AJM1: variants seen among roughly 807,000 people sequenced by gnomAD.
AJM1 encodes the protein apical junction component 1 homolog, also known as uncharacterized protein C9orf172.
AJM1 carries 22 observed loss-of-function variants against 43.0 expected under a neutral mutation model. The ratio of observed to expected loss-of-function variants is 0.51; its 90% CI spans 0.37 to 0.73. The LOEUF is 0.73. Ranked by LOEUF, AJM1 falls within the 30% of genes least tolerant of loss-of-function variation. The pLI, the probability that AJM1 is intolerant of heterozygous loss-of-function variation, is 0.00. For missense variants in AJM1, 1,305 were observed against 1,343.3 expected (o/e 0.97, Z 0.45); for synonymous variants, 719 against 638.3 (o/e 1.13, Z -1.91).
intron 1 of AJM1, among the ~76,000 whole-genome samples, chr9:136,843,293 G>A (rs1330503159): frequency 6.6e-6 from 1 of 152,246 alleles, no homozygotes; most frequent in East Asian, 1.9e-4. Context: ...GCTGGCTCTG[G>A]GATCACAGAG....
In AJM1 at chr9:136,842,571, C is replaced by A. The variant is rs934717963; in HGVS notation, c.-162C>A. ...GGGGGTGGCACAGCCCACCGGGGCA[C>A]AGCCAGAGCAGCACCCAGGTAAGGG... is the stretch of plus-strand genomic sequence containing the variant. On this transcript the variant is annotated 5_prime_UTR_variant, in exon 1 of 3. Coordinates refer to ENST00000436881, the MANE Select transcript of AJM1 (RefSeq NM_001080482.5). Among the ~76,000 whole-genome samples the A allele has an allele frequency of 3.3e-5, 5 of 152,254 alleles. No individual in the cohort carries two copies. The highest frequency in any genetic ancestry group is 7.3e-5 in the Non-Finnish European group (5 of 68,042).
At position 136,847,128 on chromosome 9, in the gene AJM1, A is replaced by C; in HGVS notation, c.2714A>C (p.Glu905Ala). 6.3e-7 allele frequency: 1 copy of C among 1,591,658 alleles called. No homozygotes were observed. The highest frequency in any genetic ancestry group is 1.4e-5 in the African/African-American group (1 of 73,888). The change falls in exon 3 of 3, where the codon GAG (glutamate) becomes GCG (alanine). Residue 905 changes from glutamate to alanine, a missense_variant. By Grantham distance (107) the Glu-to-Ala change is moderately radical. Transcript: ENST00000436881. ...GTGGCCTTCATCCACATCCAGCGCG[A>C]GCTGCGGCTGCGCGGCGTCTTCCTG... is the stretch of plus-strand genomic sequence containing the variant. ...REVAFIHIQR[E>A]LRLRGVFLRH...
chr9:136,843,268 C>T (rs1848727556), intron 1 of AJM1, among the ~76,000 whole-genome samples: 1 of 152,246 alleles, frequency 6.6e-6, no homozygotes, highest in African/African-American at 2.4e-5. Flanking sequence ...TGGCCACTCT[C>T]TGACGCACCC....
rs1848807731 is a variant in AJM1, at chr9:136,848,170, G to A, written c.*825G>A. On this transcript the variant is annotated 3_prime_UTR_variant, in exon 3 of 3. Transcript: ENST00000436881. ...GCCGAAGGGGCAGGGGACCTGAACA[G>A]GGGAAGCAGAGCACCTGGGCCTGGC... 6.6e-6 allele frequency: 1 copy of A among 152,528 alleles called. No homozygotes were observed. Among genetic ancestry groups the A allele is most frequent in the South Asian group, 2.1e-4 (1 of 4,842 alleles). 9.4% of individuals were successfully genotyped at this position (152,528 alleles called of 1,614,324 possible). A position where few individuals can be genotyped will look rare whatever the true frequency, so the allele number is the denominator to read the frequency against.
Position 136,847,155 on chromosome 9 carries a change from G to A in AJM1, c.2741G>A (p.Arg914His). Residue 914 changes from arginine to histidine, a missense_variant, in exon 3 of 3, where the codon CGC (arginine) becomes CAC (histidine). By Grantham distance (29) the Arg-to-His change is conservative. This residue lies in a region of AJM1 where 116 missense variants were observed against 113.4 expected (regional missense o/e 1.02). Coordinates refer to ENST00000436881, the MANE Select transcript of AJM1 (RefSeq NM_001080482.5). ...CTGCGGCTGCGCGGCGTCTTCCTGC[G>A]CCACGAGTTCCCGCGCGTCTACGAG... ...RELRLRGVFL[R>H]HEFPRVYEQL... The A allele has an allele frequency of 1.3e-6, 2 of 1,599,938 alleles. No individual in the cohort carries two copies. The highest frequency in any genetic ancestry group is 1.7e-6 in the Non-Finnish European group (2 of 1,178,288).
rs1044306786 is a variant in AJM1, at chr9:136,848,259, G to A, written c.*914G>A. 3 of 152,898 alleles carry A rather than the reference G, an allele frequency of 2.0e-5. No homozygotes were observed. The highest frequency in any genetic ancestry group is 6.5e-5 in the Admixed American group (1 of 15,300). 9.5% of individuals were successfully genotyped at this position (152,898 alleles called of 1,614,324 possible). A position where few individuals can be genotyped will look rare whatever the true frequency, so the allele number is the denominator to read the frequency against. ...ACGGGGCGTTCCCAGGTGGGAGCCT[G>A]GAGGGCAAAGCGTGGTGCGAGCAGG... On this transcript the variant is annotated 3_prime_UTR_variant, in exon 3 of 3. Coordinates refer to ENST00000436881, the MANE Select transcript of AJM1 (RefSeq NM_001080482.5).
chr9:136,845,672 C>G lies in AJM1; in HGVS notation c.1258C>G (p.Pro420Ala). The G allele has an allele frequency of 6.3e-7, 1 of 1,576,342 alleles. No homozygotes were observed. Among genetic ancestry groups the G allele is most frequent in the Non-Finnish European group, 8.6e-7 (1 of 1,169,104 alleles). ...CCTGCAAGTGGTGCCGCCCTCTGAC[C>G]CCGACCCGTTGCTCGCCTCCTGGCA... ...RTLQVVPPSD[P>A]DPLLASWHGG... The change falls in exon 3 of 3, where the codon CCC becomes GCC. Residue 420 changes from proline to alanine, a missense_variant. Transcript: ENST00000436881.
In AJM1 at chr9:136,845,489, C is replaced by T; in HGVS notation, c.1075C>T (p.Arg359Cys). The part of the protein sequence containing the change: ...PRAYGLPYGP[R>C]YVPEEPRAHS... ...AGCCTACGGCCTGCCCTACGGGCCC[C>T]GCTATGTCCCCGAGGAGCCCCGGGC... is the stretch of plus-strand genomic sequence containing the variant. The change falls in exon 3 of 3, where the codon CGC becomes TGC. Residue 359 changes from arginine to cysteine, a missense_variant. Arg to Cys is a radical substitution (Grantham distance 180, BLOSUM62 -3). Around this residue, in one of 6 missense-constraint regions of AJM1, gnomAD observed 653 missense variants for 549.1 expected, o/e 1.19. Transcript: ENST00000436881. 5 of 1,605,464 alleles carry T rather than the reference C, an allele frequency of 3.1e-6. No individual in the cohort carries two copies. The South Asian group carries it at 4.4e-5, about 14-fold the overall frequency.
chr9:136,845,762 G>A lies in AJM1; in HGVS notation c.1348G>A (p.Asp450Asn). 6.3e-7 allele frequency: 1 copy of A among 1,581,298 alleles called. No individual in the cohort carries two copies. Among genetic ancestry groups the A allele is most frequent in the Non-Finnish European group, 8.5e-7 (1 of 1,171,440 alleles). The change falls in exon 3 of 3, where the codon GAC becomes AAC. Residue 450 changes from aspartate to asparagine, a missense_variant. By Grantham distance (23) the Asp-to-Asn change is conservative (BLOSUM62 1). Around this residue, in one of 6 missense-constraint regions of AJM1, gnomAD observed 653 missense variants for 549.1 expected, o/e 1.19. Transcript: ENST00000436881. Reference protein sequence around the residue: ...TDSRHYSRSWDNILAPGPRRE... With the variant: ...TDSRHYSRSWNNILAPGPRRE... The stretch of plus-strand genomic sequence containing the variant: ...CAGCCGCCACTACTCGCGCTCCTGG[G>A]ACAACATTCTGGCCCCGGGGCCGCG...
Position 136,847,174 on chromosome 9 carries a change from C to T in AJM1, c.2760C>T (p.Val920=), listed in dbSNP as rs1848789287. Reference sequence around the variant, plus strand: ...TCCTGCGCCACGAGTTCCCGCGCGTCTACGAGCAGCTTTGCGAGTTCGTCG... The same window carrying T: ...TCCTGCGCCACGAGTTCCCGCGCGTTTACGAGCAGCTTTGCGAGTTCGTCG... ...GVFLRHEFPR[V]YEQLCEFVEA... is the part of the protein sequence containing the mutation. Residue 920 remains valine (V), a synonymous_variant, in exon 3 of 3, where the codon GTC becomes GTT. Transcript: ENST00000436881. 1 of 1,603,578 alleles carries T rather than the reference C, an allele frequency of 6.2e-7. No homozygotes were observed. Among genetic ancestry groups the T allele is most frequent in the Non-Finnish European group, 8.5e-7 (1 of 1,178,752 alleles).
rs1303089718 is a variant in AJM1 at position 136,845,507 on chromosome 9, C to G, written c.1093C>G (p.Pro365Ala). Residue 365 changes from proline (P) to alanine (A), a missense_variant, in exon 3 of 3, where the codon CCC becomes GCC. Transcript: ENST00000436881. ...PYGPRYVPEE[P>A]RAHSTARPFY... ...CGGGCCCCGCTATGTCCCCGAGGAGCCCCGGGCCCACTCCACCGCCCGCCC... is the reference window on the plus strand; with the variant it reads ...CGGGCCCCGCTATGTCCCCGAGGAGGCCCGGGCCCACTCCACCGCCCGCCC... The G allele has an allele frequency of 6.2e-7, 1 of 1,600,940 alleles. No individual in the cohort carries two copies. The highest frequency in any genetic ancestry group is 8.5e-7 in the Non-Finnish European group (1 of 1,174,746).
In AJM1 at chr9:136,844,191, C is replaced by T. The variant is rs994756117; in HGVS notation, c.-143-5C>T. 6.6e-6 allele frequency among the ~76,000 whole-genome samples: 1 copy of T among 152,170 alleles called. No homozygotes were observed. The highest frequency in any genetic ancestry group is 2.4e-5 in the African/African-American group (1 of 41,444). On this transcript the variant is annotated splice_region_variant and splice_polypyrimidine_tract_variant and intron_variant, in intron 1 of 2. Coordinates refer to ENST00000436881, the MANE Select transcript of AJM1 (RefSeq NM_001080482.5). ...GGCGCCTGGACAGCTGGGTTCCTCCCGCAGGTGCTTCTGACCCCGGCATGG... is the reference window on the plus strand; with the variant it reads ...GGCGCCTGGACAGCTGGGTTCCTCCTGCAGGTGCTTCTGACCCCGGCATGG...
chr9:136,845,349 C>G lies in AJM1; in HGVS notation c.935C>G (p.Ser312Cys). The G allele has an allele frequency of 1.2e-6, 2 of 1,612,444 alleles. No homozygotes were observed. Among genetic ancestry groups the G allele is most frequent in the Non-Finnish European group, 1.7e-6 (2 of 1,179,834 alleles). The part of the protein sequence containing the change: ...FDAYYPRPYP[S>C]EELSGPSPRR... ...GCCTACTACCCCAGGCCCTATCCGT[C>G]CGAGGAGCTCTCGGGGCCCAGTCCA... is the stretch of plus-strand genomic sequence containing the variant. Residue 312 changes from serine to cysteine, a missense_variant, in exon 3 of 3, where the codon TCC (serine) becomes TGC (cysteine). By Grantham distance (112) the Ser-to-Cys change is moderately radical. Around this residue, in one of 6 missense-constraint regions of AJM1, gnomAD observed 653 missense variants for 549.1 expected, o/e 1.19. Coordinates refer to ENST00000436881, the MANE Select transcript of AJM1 (RefSeq NM_001080482.5).
In AJM1 at chr9:136,845,561, C is replaced by T. The variant is rs747747733; in HGVS notation, c.1147C>T (p.Arg383Cys). 2 of 1,591,454 alleles carry T rather than the reference C, an allele frequency of 1.3e-6. No homozygotes were observed. The highest frequency in any genetic ancestry group is 2.7e-5 in the African/African-American group (2 of 74,550). ...PFYTEDFGRY[R>C]ERDVLARTYP... ...TTACACGGAGGACTTCGGAAGGTAC[C>T]GCGAGCGTGACGTCCTGGCTCGGAC... Residue 383 changes from arginine (R) to cysteine (C), a missense_variant, in exon 3 of 3, where the codon CGC (arginine) becomes TGC (cysteine). Physicochemically the swap from Arg to Cys is radical, Grantham distance 180. Around this residue, in one of 6 missense-constraint regions of AJM1, gnomAD observed 653 missense variants for 549.1 expected, o/e 1.19. Coordinates refer to ENST00000436881, the MANE Select transcript of AJM1 (RefSeq NM_001080482.5).
Position 136,846,609 on chromosome 9 carries a change from TGCACCGCGCTTTCTCGC to T in AJM1, c.2199_2215del (p.Phe736CysfsTer43), listed in dbSNP as rs1186342903. 6.3e-7 allele frequency: 1 copy of T among 1,593,190 alleles called. No homozygotes were observed. Among genetic ancestry groups the T allele is most frequent in the Non-Finnish European group, 8.5e-7 (1 of 1,175,902 alleles). ...CAGTTTTGCCGCGACAGCGGCCCGGTGCACCGCGCTTTCTCGCGCATCGCGCGTGTCGGCTTCCTGTC... is the reference window on the plus strand; with the variant it reads ...CAGTTTTGCCGCGACAGCGGCCCGGTGCATCGCGCGTGTCGGCTTCCTGTC... On this transcript the variant is annotated frameshift_variant, in exon 3 of 3. Transcript: ENST00000436881. LOFTEE classifies it high-confidence loss of function.
Position 136,845,659 on chromosome 9 carries a change from G to A in AJM1, c.1245G>A (p.Val415=). 6.3e-7 allele frequency: 1 copy of A among 1,576,290 alleles called. No individual in the cohort carries two copies. The highest frequency in any genetic ancestry group is 2.3e-5 in the East Asian group (1 of 43,304). The change falls in exon 3 of 3, where the codon GTG becomes GTA. Residue 415 remains valine (V), a synonymous_variant. Transcript: ENST00000436881. ...GPRPYRTLQV[V]PPSDPDPLLA... is the part of the protein sequence containing the mutation. ...GACCGTACCGCACCCTGCAAGTGGT[G>A]CCGCCCTCTGACCCCGACCCGTTGC...
At position 136,844,498 on chromosome 9, in the gene AJM1, G is replaced by A. The variant is rs776694383; in HGVS notation, c.84G>A (p.Lys28=). Residue 28 remains lysine (K), a synonymous_variant, in exon 3 of 3, where the codon AAG becomes AAA. Coordinates refer to ENST00000436881, the MANE Select transcript of AJM1 (RefSeq NM_001080482.5). ...TGGCGACCCCGGGACCCGCGTCCAAGTGCTCGCCATGTGAGCGATCCGTGG... is the reference window on the plus strand; with the variant it reads ...TGGCGACCCCGGGACCCGCGTCCAAATGCTCGCCATGTGAGCGATCCGTGG... ...IKVATPGPAS[K]CSPCERSVAR... is the part of the protein sequence containing the mutation. 6.2e-7 allele frequency: 1 copy of A among 1,610,700 alleles called. No individual in the cohort carries two copies. Among genetic ancestry groups the A allele is most frequent in the Non-Finnish European group, 8.5e-7 (1 of 1,179,116 alleles).
Position 136,846,486 on chromosome 9 carries a change from C to T in AJM1, c.2072C>T (p.Thr691Ile), listed in dbSNP as rs762704268. Residue 691 changes from threonine to isoleucine, a missense_variant, in exon 3 of 3, where the codon ACC becomes ATC. By Grantham distance (89) the Thr-to-Ile change is moderately conservative (BLOSUM62 -1). Around this residue, in one of 6 missense-constraint regions of AJM1, gnomAD observed 391 missense variants for 507.5 expected, o/e 0.77. Coordinates refer to ENST00000436881, the MANE Select transcript of AJM1 (RefSeq NM_001080482.5). ...TTCAAGTCCTGCCACAGCTGCTACA[C>T]CTACTACTGCTCGCGCCTGTGCCGC... is the stretch of plus-strand genomic sequence containing the variant. ...LYFKSCHSCYTYYCSRLCRRE... is the reference protein window; with the variant it reads ...LYFKSCHSCYIYYCSRLCRRE... The T allele has an allele frequency of 1.9e-6, 3 of 1,592,498 alleles. No homozygotes were observed. The Admixed American group carries it at 5.0e-5, about 27-fold the overall frequency.
chr9:136,845,141 G>A lies in AJM1; in HGVS notation c.727G>A (p.Asp243Asn), dbSNP rs1848751743. ...MALSRTPTPSDSYCADPRAFY... is the reference protein window; with the variant it reads ...MALSRTPTPSNSYCADPRAFY... Reference sequence around the variant, plus strand: ...GCTGTCGCGCACCCCGACGCCCAGCGACTCATACTGTGCGGATCCCCGGGC... The same window carrying A: ...GCTGTCGCGCACCCCGACGCCCAGCAACTCATACTGTGCGGATCCCCGGGC... The change falls in exon 3 of 3, where the codon GAC becomes AAC. Residue 243 changes from aspartate to asparagine, a missense_variant. Transcript: ENST00000436881. The A allele has an allele frequency of 6.4e-7, 1 of 1,571,012 alleles. No homozygotes were observed. Among genetic ancestry groups the A allele is most frequent in the African/African-American group, 1.3e-5 (1 of 74,444 alleles).
Sources: gnomAD v4.1 joint callset for allele counts (sites outside exome capture counted in the v4.1 genomes callset) on GRCh38, gnomAD v4.1.1 for gene constraint, gnomAD v4.1.1 regional missense constraint, MANE v1.5 for transcripts, NCBI Gene and HGNC (gene_info 2026-07-23, HGNC 2026-07-21) for gene names.